The following IGSF23 variants were observed in gnomAD, a reference collection of about 807,000 sequenced individuals.
The protein encoded by IGSF23 is immunoglobulin superfamily, member 23.
In IGSF23, 14 loss-of-function variants were observed where a neutral mutation model predicts 17.8. The ratio of observed to expected loss-of-function variants is 0.79; its 90% CI spans 0.52 to 1.23. The LOEUF (loss-of-function observed/expected upper bound fraction) is 1.23, where lower values mean the gene tolerates loss of function less well. Among genes scored for constraint, IGSF23 ranks in the 50% most tolerant of loss-of-function variants. The probability of loss-of-function intolerance (pLI) is 0.00; values close to 1 mark genes in which losing one functional copy is unlikely to be tolerated. For synonymous variants in IGSF23, 85 were observed against 92.5 expected, an observed-to-expected ratio of 0.92 and a Z score of 0.46; for missense variants, 214 against 241.7, an observed-to-expected ratio of 0.89 and a Z score of 0.76.
chr19:44,631,675 G>C (rs1351483710), intron 3 of IGSF23, among the ~76,000 whole-genome samples: 1 of 152,216 alleles, frequency 6.6e-6, no homozygotes, highest in East Asian at 1.9e-4. Context: ...TGTTTCTATA[G>C]ATTTTAGATT....
At chr19:44,618,978 A>AT (rs1056457726) in intron 1 of IGSF23, among the ~76,000 whole-genome samples, 2 of 92,788 alleles carry the variant, frequency 2.2e-5, no homozygotes, top group African/African-American at 4.0e-5. Flanking sequence ...TGGGTTATTT[A>AT]TTTAAAAAAA....
chr19:44,617,378 G>A (rs571009967), intron 1 of IGSF23, among the ~76,000 whole-genome samples: 5 of 152,170 alleles, frequency 3.3e-5, no homozygotes, highest in South Asian at 2.1e-4. Flanking sequence ...TGAATTGTAC[G>A]CTTTAAATGA....
At chr19:44,616,485 C>T (rs1013381523) in intron 1 of IGSF23, among the ~76,000 whole-genome samples, 1 of 151,992 alleles carries the variant, frequency 6.6e-6, no homozygotes, top group African/African-American at 2.4e-5. Flanking sequence ...ATCACAAGGT[C>T]AGGAGATTGA....
At chr19:44,614,561 T>C (rs1255155189) in intron 1 of IGSF23, among the ~76,000 whole-genome samples, 1 of 152,116 alleles carries the variant, frequency 6.6e-6, no homozygotes, top group Non-Finnish European at 1.5e-5. Flanking sequence ...GCGTCCTGCG[T>C]AGCTGGGACC....
At chr19:44,624,862 G>A (rs1375777196) in intron 2 of IGSF23, among the ~76,000 whole-genome samples, 1 of 129,610 alleles carries the variant, frequency 7.7e-6, no homozygotes, top group African/African-American at 3.1e-5. Flanking sequence ...AGGAGTTAGA[G>A]ACCAACCTGG....
chr19:44,615,928 T>G (rs1341991839), intron 1 of IGSF23, among the ~76,000 whole-genome samples: 2 of 151,996 alleles, frequency 1.3e-5, no homozygotes, highest in South Asian at 2.1e-4. Flanking sequence ...GTGGGGTACT[T>G]TGGAAATTGG....
At chr19:44,625,841 C>T (rs1167315585) in intron 2 of IGSF23, among the ~76,000 whole-genome samples, 1 of 152,060 alleles carries the variant, frequency 6.6e-6, no homozygotes, top group Non-Finnish European at 1.5e-5. Context: ...ATGCTGTTCT[C>T]GTGATAGTCA....
chr19:44,633,463 G>A (rs551208568), intron 3 of IGSF23, among the ~76,000 whole-genome samples: 140 of 152,252 alleles, frequency 9.2e-4, no homozygotes, highest in African/African-American at 3.3e-3. Flanking sequence ...AATTGTTCTG[G>A]AGTTAGAACT....
chr19:44,629,632 CT>C (rs11344283), intron 3 of IGSF23, among the ~76,000 whole-genome samples: 234 of 114,118 alleles, frequency 2.1e-3, no homozygotes, highest in African/African-American at 5.2e-3. Context: ...TATATGCTTT[CT>C]TTTTTTTTTT....
intron 2 of IGSF23, among the ~76,000 whole-genome samples, chr19:44,625,062 C>T (rs1972614942): frequency 6.6e-6 from 1 of 151,786 alleles, no homozygotes; most frequent in Admixed American, 6.6e-5. Context: ...GGATGACTGT[C>T]TCAAAAAAAA....
At chr19:44,616,109 G>A (rs962447311) in intron 1 of IGSF23, among the ~76,000 whole-genome samples, 1 of 151,676 alleles carries the variant, frequency 6.6e-6, no homozygotes, top group African/African-American at 2.4e-5. Flanking sequence ...CAGGTACCTC[G>A]AGAGTGTGAC....
intron 1 of IGSF23, among the ~76,000 whole-genome samples, chr19:44,614,687 C>T (rs1408797379): frequency 6.6e-6 from 1 of 152,098 alleles, no homozygotes; most frequent in East Asian, 2.0e-4. Flanking sequence ...CTGCCTCGGC[C>T]TCCCCAAGTG....
chr19:44,615,863 T>C (rs945366547), intron 1 of IGSF23, among the ~76,000 whole-genome samples: 1 of 141,034 alleles, frequency 7.1e-6, no homozygotes, highest in Non-Finnish European at 1.5e-5. Flanking sequence ...TGCTGTAGTT[T>C]TGTGATGGAA....
intron 1 of IGSF23, among the ~76,000 whole-genome samples, chr19:44,620,204 G>A (rs1167295923): frequency 6.6e-6 from 1 of 152,036 alleles, no homozygotes; most frequent in African/African-American, 2.4e-5. Flanking sequence ...GGGAGTCGGA[G>A]GTTGCAATGA....
chr19:44,634,561 G>A (rs967185540), intron 3 of IGSF23, among the ~76,000 whole-genome samples: 19 of 152,124 alleles, frequency 1.2e-4, no homozygotes, highest in African/African-American at 4.6e-4. Context: ...ACTGACAGCA[G>A]TCGCTCCAGG....
intron 3 of IGSF23, among the ~76,000 whole-genome samples, chr19:44,634,454 T>C (rs1443939842): frequency 1.3e-5 from 2 of 152,230 alleles, no homozygotes; most frequent in African/African-American, 4.8e-5. Context: ...GTAGCTATAA[T>C]ATTTCCCTGT....
chr19:44,624,686 A>G (rs1218008779), intron 2 of IGSF23, among the ~76,000 whole-genome samples: 1 of 152,076 alleles, frequency 6.6e-6, no homozygotes, highest in Non-Finnish European at 1.5e-5. Context: ...CTTGGCTCCA[A>G]CCATTTGCTT....
chr19:44,622,909 C>A (rs546204698), intron 1 of IGSF23, among the ~76,000 whole-genome samples: 6 of 152,288 alleles, frequency 3.9e-5, no homozygotes, highest in African/African-American at 1.4e-4. Context: ...TCAAACATAA[C>A]CTCCCCAAAG....
chr19:44,622,714 C>G (rs2123719306), intron 1 of IGSF23, among the ~76,000 whole-genome samples: 1 of 152,248 alleles, frequency 6.6e-6, no homozygotes, highest in South Asian at 2.1e-4. Flanking sequence ...CCAGGAAACC[C>G]CAGCATGATC....
Sources: allele counts gnomAD v4.1 joint callset (sites outside exome capture counted in the v4.1 genomes callset), GRCh38; gene constraint gnomAD v4.1.1; transcripts MANE v1.5; gene names NCBI Gene and HGNC (gene_info 2026-07-23, HGNC 2026-07-21).